The following RGS6 variants were observed in gnomAD, a reference collection of about 807,000 sequenced individuals.
The protein encoded by RGS6 is regulator of G-protein signaling 6.
Under a neutral mutation model 78.5 loss-of-function variants are expected in RGS6, and 30 were observed. That is an observed-to-expected ratio of 0.38 (90% CI 0.29 to 0.52). The LOEUF (loss-of-function observed/expected upper bound fraction) is 0.52. RGS6 is among the 20% of genes least tolerant of loss of function. The pLI, the probability that RGS6 is intolerant of heterozygous loss-of-function variation, is 0.85. For missense variants in RGS6, 495 were observed against 609.7 expected (o/e 0.81, Z 1.98); for synonymous variants, 206 against 206.0 (o/e 1.00, Z 0.00).
intron 15 of RGS6, among the ~76,000 whole-genome samples, chr14:72,519,629 T>C (rs2097003740): frequency 6.6e-6 from 1 of 152,206 alleles, no homozygotes; most frequent in Non-Finnish European, 1.5e-5. Context: ...ACGAGCTCCA[T>C]CAAATGCCTG....
At chr14:72,544,230 G>C (rs1013154770) in intron 17 of RGS6, among the ~76,000 whole-genome samples, 2 of 152,200 alleles carry the variant, frequency 1.3e-5, no homozygotes, top group Non-Finnish European at 2.9e-5. Context: ...AAGCCATCTG[G>C]TGAGAGCTCC....
chr14:72,428,026 AC>A (rs2094495596), intron 3 of RGS6, among the ~76,000 whole-genome samples: 1 of 152,208 alleles, frequency 6.6e-6, no homozygotes, highest in Non-Finnish European at 1.5e-5. Context: ...GGAAAAGACC[AC>A]CTGGAAGTCA....
At chr14:72,299,844 C>G (rs560905968) in intron 2 of RGS6, among the ~76,000 whole-genome samples, 1 of 152,210 alleles carries the variant, frequency 6.6e-6, no homozygotes, top group South Asian at 2.1e-4. Context: ...TAGCAATATC[C>G]CTTCTCACTT....
chr14:72,337,225 C>T (rs2076190357), intron 2 of RGS6, among the ~76,000 whole-genome samples: 1 of 151,516 alleles, frequency 6.6e-6, no homozygotes, highest in Admixed American at 6.6e-5. Flanking sequence ...AACTGACTCC[C>T]ACCCCCATCA....
At chr14:72,335,098 TGC>T (rs1330324737) in intron 2 of RGS6, among the ~76,000 whole-genome samples, 1 of 144,510 alleles carries the variant, frequency 6.9e-6, no homozygotes, top group Admixed American at 7.0e-5. Flanking sequence ...CTCTCTTGCC[TGC>T]CACCATGTGA....
intron 11 of RGS6, among the ~76,000 whole-genome samples, chr14:72,477,906 C>T (rs1355408793): frequency 6.6e-6 from 1 of 151,920 alleles, no homozygotes; most frequent in Non-Finnish European, 1.5e-5. Flanking sequence ...GAAAGGTGGG[C>T]AGAGGAGGGG....
At chr14:72,278,492 G>T in intron 2 of RGS6, among the ~76,000 whole-genome samples, 1 of 152,166 alleles carries the variant, frequency 6.6e-6, no homozygotes, top group Non-Finnish European at 1.5e-5. Flanking sequence ...GAGACACATG[G>T]CAGTTAAGGC....
At chr14:72,327,536 A>G (rs1363564948) in intron 2 of RGS6, among the ~76,000 whole-genome samples, 8 of 152,204 alleles carry the variant, frequency 5.3e-5, no homozygotes, top group African/African-American at 1.9e-4. Flanking sequence ...TTAAGGCATA[A>G]TTAAGTAAAA....
intron 2 of RGS6, among the ~76,000 whole-genome samples, chr14:72,165,531 T>C (rs146444776): frequency 4.4e-4 from 67 of 152,314 alleles, no homozygotes; most frequent in African/African-American, 1.6e-3. Flanking sequence ...CTTGGGGGCT[T>C]TGCGTTTATT....
At chr14:72,516,414 C>T (rs1208882789) in intron 14 of RGS6, among the ~76,000 whole-genome samples, 2 of 152,194 alleles carry the variant, frequency 1.3e-5, no homozygotes, top group Non-Finnish European at 2.9e-5. Context: ...TCCTTTCAAG[C>T]CCTTCCTTCC....
chr14:72,526,937 G>C (rs1020859436), intron 15 of RGS6, among the ~76,000 whole-genome samples: 1 of 152,184 alleles, frequency 6.6e-6, no homozygotes, highest in Non-Finnish European at 1.5e-5. Context: ...CCATGCCTAA[G>C]GTCTGAGGAC....
the RGS6 span, among the ~76,000 whole-genome samples, chr14:72,602,283 G>C: frequency 6.6e-6 from 1 of 152,278 alleles, no homozygotes; most frequent in South Asian, 2.1e-4. Context: ...TCAAGTTTTT[G>C]TTGCCATATC....
chr14:72,552,793 G>A (rs1176413341), intron 17 of RGS6: 3 of 152,170 alleles, frequency 2.0e-5, no homozygotes, highest in Non-Finnish European at 2.9e-5. Flanking sequence ...CTATAGTACC[G>A]ACAGAAACAG....
chr14:72,100,944 A>C (rs1020058456), intron 2 of RGS6, among the ~76,000 whole-genome samples: 2 of 152,104 alleles, frequency 1.3e-5, no homozygotes, highest in African/African-American at 4.8e-5. Context: ...GGATTGTTTG[A>C]GTTCAGGAGT....
At chr14:72,608,359 C>G in the RGS6 span, among the ~76,000 whole-genome samples, 1 of 152,172 alleles carries the variant, frequency 6.6e-6, no homozygotes, top group Admixed American at 6.5e-5. Context: ...TGCTTTAAGG[C>G]CATTGCTAAG....
At chr14:72,195,800 C>G (rs2039971667) in intron 2 of RGS6, among the ~76,000 whole-genome samples, 1 of 152,236 alleles carries the variant, frequency 6.6e-6, no homozygotes, top group South Asian at 2.1e-4. Flanking sequence ...CACGGAAACA[C>G]CAGGGCTGAG....
At chr14:72,511,252 G>A (rs1276041636) in intron 14 of RGS6, among the ~76,000 whole-genome samples, 1 of 152,194 alleles carries the variant, frequency 6.6e-6, no homozygotes, top group Non-Finnish European at 1.5e-5. Flanking sequence ...CTTTAAAGAT[G>A]TCTTAATAAT....
intron 3 of RGS6, among the ~76,000 whole-genome samples, chr14:72,417,773 C>G: frequency 6.6e-6 from 1 of 152,172 alleles, no homozygotes; most frequent in East Asian, 1.9e-4. Flanking sequence ...AACATTTAGA[C>G]GAAGTGCTTG....
intron 2 of RGS6, among the ~76,000 whole-genome samples, chr14:72,316,853 C>T (rs1446323588): frequency 1.3e-5 from 2 of 150,596 alleles, no homozygotes; most frequent in African/African-American, 4.9e-5. Context: ...TAGCTACTAG[C>T]TTATAAACTG....
Sources: gnomAD v4.1 joint callset for allele counts (sites outside exome capture counted in the v4.1 genomes callset) on GRCh38, gnomAD v4.1.1 for gene constraint, MANE v1.5 for transcripts, NCBI Gene and HGNC (gene_info 2026-07-23, HGNC 2026-07-21) for gene names.